TBC1D23: variants seen among roughly 807,000 people sequenced by gnomAD.
TBC1D23 encodes TBC1 domain family member 23, also known as HCV non-structural protein 4A-transactivated protein 1.
A neutral mutation model predicts 91.4 loss-of-function variants in TBC1D23; 55 were observed. The observed-to-expected ratio is 0.60, with a 90% CI of 0.48 to 0.75. The LOEUF (loss-of-function observed/expected upper bound fraction) is 0.75. Among genes scored for constraint, TBC1D23 ranks in the 30% least tolerant of loss-of-function variants. TBC1D23 has a pLI of 0.00. For missense variants in TBC1D23, 725 were observed against 836.1 expected, an observed-to-expected ratio of 0.87 and a Z score of 1.64; for synonymous variants, 289 against 281.0, an observed-to-expected ratio of 1.03 and a Z score of -0.28.
At chr3:100,277,064 C>T (rs750572821) in intron 1 of TBC1D23, among the ~76,000 whole-genome samples, 2 of 152,188 alleles carry the variant, frequency 1.3e-5, no homozygotes, top group East Asian at 1.9e-4. Flanking sequence ...GAACAAAACA[C>T]AGCCCACCCA....
At chr3:100,268,488 G>T (rs573975155) in intron 1 of TBC1D23, among the ~76,000 whole-genome samples, 2 of 152,220 alleles carry the variant, frequency 1.3e-5, no homozygotes, top group Non-Finnish European at 2.9e-5. Flanking sequence ...GCAAAGTGTT[G>T]TCACTTCATT....
chr3:100,306,712 A>G (rs906744903), intron 13 of TBC1D23, among the ~76,000 whole-genome samples, 169 bp downstream of exon 13: 2 of 152,210 alleles, frequency 1.3e-5, no homozygotes, highest in Non-Finnish European at 2.9e-5. Flanking sequence ...GCCATTATTT[A>G]TTGTGAGATT....
chr3:100,295,704 T>A (rs1176795696), intron 7 of TBC1D23, among the ~76,000 whole-genome samples: 1 of 152,200 alleles, frequency 6.6e-6, no homozygotes. Context: ...GTTCTCCTTT[T>A]GGATTCTCCC....
intron 18 of TBC1D23, 31 bp downstream of exon 18, chr3:100,321,002 A>G: frequency 6.8e-7 from 1 of 1,480,454 alleles, no homozygotes; most frequent in South Asian, 1.3e-5. Flanking sequence ...ATATTATCTG[A>G]ATTCAGATAT....
chr3:100,307,916 T>A (rs1249027195), intron 13 of TBC1D23, among the ~76,000 whole-genome samples: 1 of 152,242 alleles, frequency 6.6e-6, no homozygotes, highest in African/African-American at 2.4e-5. Flanking sequence ...ATTAAAATGT[T>A]ACCAAAGTCC....
chr3:100,278,847 T>C (rs2067672173), intron 1 of TBC1D23, among the ~76,000 whole-genome samples: 1 of 152,246 alleles, frequency 6.6e-6, no homozygotes, highest in African/African-American at 2.4e-5. Context: ...TACTTGATGA[T>C]GTGATATTAT....
chr3:100,266,009 A>G (rs2067554605), intron 1 of TBC1D23, among the ~76,000 whole-genome samples: 1 of 152,168 alleles, frequency 6.6e-6, no homozygotes, highest in Non-Finnish European at 1.5e-5. Flanking sequence ...ATCAATAAAG[A>G]AATATATTAA....
At chr3:100,293,150 T>C (rs201600191) in intron 5 of TBC1D23, among the ~76,000 whole-genome samples, 2 of 89,412 alleles carry the variant, frequency 2.2e-5, no homozygotes, top group African/African-American at 3.3e-5. Context: ...TATTTATTTA[T>C]TTTGTGAGAC....
chr3:100,286,496 A>ACT (rs2067742915), intron 4 of TBC1D23, among the ~76,000 whole-genome samples: 1 of 144,270 alleles, frequency 6.9e-6, no homozygotes. Context: ...ATTTTAACAT[A>ACT]TCTTCTTTTT....
intron 4 of TBC1D23, among the ~76,000 whole-genome samples, chr3:100,288,078 CA>C (rs1308910740): frequency 2.6e-5 from 4 of 151,196 alleles, no homozygotes; most frequent in Non-Finnish European, 5.9e-5. Context: ...CCTGATCCTA[CA>C]AAAAAAATTT....
intron 3 of TBC1D23, among the ~76,000 whole-genome samples, chr3:100,282,682 A>G (rs2067705207): frequency 6.6e-6 from 1 of 152,208 alleles, no homozygotes; most frequent in Admixed American, 6.5e-5. Flanking sequence ...TGATAGGCCT[A>G]TGTGTGGTAA....
chr3:100,318,417 G>C (rs919776363), intron 16 of TBC1D23, among the ~76,000 whole-genome samples: 3 of 152,012 alleles, frequency 2.0e-5, no homozygotes, highest in African/African-American at 7.2e-5. Flanking sequence ...CAAGATAGGT[G>C]CCTATTGTTT....
At chr3:100,294,723 C>G (rs181721261) in intron 5 of TBC1D23, among the ~76,000 whole-genome samples, 8 of 152,236 alleles carry the variant, frequency 5.3e-5, no homozygotes, top group African/African-American at 1.7e-4. Context: ...TTTAGTTACT[C>G]TTATGGAGCT....
At chr3:100,293,288 C>T (rs1468067568) in intron 5 of TBC1D23, among the ~76,000 whole-genome samples, 6 of 152,148 alleles carry the variant, frequency 3.9e-5, no homozygotes, top group African/African-American at 1.4e-4. Context: ...CGCCCGCCAC[C>T]ACACCCGGCT....
intron 7 of TBC1D23, 65 bp from the exon 8 acceptor site, chr3:100,296,107 T>A (rs2067837001): frequency 1.2e-6 from 1 of 866,882 alleles, no homozygotes; most frequent in African/African-American, 1.7e-5. Flanking sequence ...ATATTTCGGC[T>A]CTGATACATA....
At chr3:100,285,112 A>C (rs1341830532) in intron 4 of TBC1D23, among the ~76,000 whole-genome samples, 3 of 152,128 alleles carry the variant, frequency 2.0e-5, no homozygotes, top group Non-Finnish European at 4.4e-5. Flanking sequence ...TCTTTTTTTA[A>C]ATAACGACTT....
At chr3:100,304,127 A>T (rs1705478170) in intron 11 of TBC1D23, among the ~76,000 whole-genome samples, 1 of 152,022 alleles carries the variant, frequency 6.6e-6, no homozygotes, top group Admixed American at 6.5e-5. Flanking sequence ...CCTTTTTAAA[A>T]TTTTTTCCTT....
At chr3:100,317,664 C>A (rs1024505407) in intron 16 of TBC1D23, among the ~76,000 whole-genome samples, 9 of 148,734 alleles carry the variant, frequency 6.1e-5, no homozygotes, top group African/African-American at 2.3e-4. Context: ...TCCTTTTCTT[C>A]TTTTTTCCCC....
chr3:100,278,045 C>G (rs2067664861), intron 1 of TBC1D23, among the ~76,000 whole-genome samples: 1 of 152,232 alleles, frequency 6.6e-6, no homozygotes. Context: ...TAAGTGATTA[C>G]ATTTTCATTT....
Sources: allele counts gnomAD v4.1 joint callset (sites outside exome capture counted in the v4.1 genomes callset), GRCh38; gene constraint gnomAD v4.1.1; transcripts MANE v1.5; gene names NCBI Gene and HGNC (gene_info 2026-07-23, HGNC 2026-07-21).